Variants in GULP1 observed in about 807,000 individuals in gnomAD.
GULP1 encodes the protein PTB domain-containing engulfment adapter protein 1.
In GULP1, 19 loss-of-function variants were observed where a neutral mutation model predicts 40.9. The observed-to-expected ratio is 0.46, with a 90% CI of 0.32 to 0.68. The LOEUF (loss-of-function observed/expected upper bound fraction) is 0.68. Ranked by LOEUF, GULP1 falls within the 30% of genes least tolerant of loss-of-function variation. The pLI is 0.03. For synonymous variants in GULP1, 119 were observed against 117.6 expected (o/e 1.01, Z -0.08); for missense variants, 312 against 362.2 (o/e 0.86, Z 1.12).
intron 11 of GULP1, chr2:188,592,849 A>G (rs1312018504): frequency 6.6e-6 from 1 of 152,146 alleles, no homozygotes; most frequent in Non-Finnish European, 1.5e-5. Flanking sequence ...CCAATTAAAT[A>G]AAACACCCAA....
chr2:188,445,280 T>C (rs911997279), intron 2 of GULP1, among the ~76,000 whole-genome samples: 1 of 151,548 alleles, frequency 6.6e-6, no homozygotes, highest in East Asian at 1.9e-4. Context: ...TAGAAACAAA[T>C]GAGGAATTGT....
chr2:188,537,795 G>C (rs1037735887), intron 6 of GULP1, among the ~76,000 whole-genome samples: 2 of 152,030 alleles, frequency 1.3e-5, no homozygotes, highest in Non-Finnish European at 2.9e-5. Context: ...GTAGAACTTG[G>C]CTGTGAATCC....
intron 2 of GULP1, among the ~76,000 whole-genome samples, chr2:188,457,467 G>A (rs911568830): frequency 6.6e-6 from 1 of 152,140 alleles, no homozygotes; most frequent in Non-Finnish European, 1.5e-5. Context: ...TGCCATCCAC[G>A]TAGGATGTGA....
chr2:188,450,459 GA>G (rs952845690), intron 2 of GULP1, among the ~76,000 whole-genome samples: 6 of 152,000 alleles, frequency 3.9e-5, no homozygotes, highest in African/African-American at 1.4e-4. Flanking sequence ...TTAGATGTAG[GA>G]AACTAGCTTA....
intron 2 of GULP1, among the ~76,000 whole-genome samples, chr2:188,434,560 A>G (rs2057228735): frequency 6.7e-6 from 1 of 150,360 alleles, no homozygotes; most frequent in South Asian, 2.1e-4. Flanking sequence ...TATTTGTGAC[A>G]TCCTTTTGAA....
chr2:188,367,994 CTTTT>C (rs1415390594), intron 1 of GULP1, among the ~76,000 whole-genome samples: 8 of 152,052 alleles, frequency 5.3e-5, no homozygotes, highest in African/African-American at 1.7e-4. Flanking sequence ...TCATCTCTTT[CTTTT>C]GTGTCTCCTT....
At chr2:188,577,686 T>C (rs1700422395) in intron 9 of GULP1, among the ~76,000 whole-genome samples, 1 of 152,116 alleles carries the variant, frequency 6.6e-6, no homozygotes, top group South Asian at 2.1e-4. Flanking sequence ...TTGTGAAAAC[T>C]GTAAGATAGT....
chr2:188,343,348 T>C (rs1418948036), intron 1 of GULP1, among the ~76,000 whole-genome samples: 3 of 151,912 alleles, frequency 2.0e-5, no homozygotes, highest in African/African-American at 7.3e-5. Flanking sequence ...AAGCAATCAA[T>C]ACTTTTTTTT....
At chr2:188,465,754 A>C (rs1018036037) in intron 2 of GULP1, among the ~76,000 whole-genome samples, 2 of 152,026 alleles carry the variant, frequency 1.3e-5, no homozygotes, top group African/African-American at 2.4e-5. Flanking sequence ...ATGCCTCAGA[A>C]TTGCTAGCTC....
At chr2:188,321,629 C>T (rs1399410162) in intron 1 of GULP1, among the ~76,000 whole-genome samples, 1 of 151,626 alleles carries the variant, frequency 6.6e-6, no homozygotes, top group Non-Finnish European at 1.5e-5. Context: ...TTTTTAAAAA[C>T]TTAAATATAT....
chr2:188,464,511 C>T (rs1459867985), intron 2 of GULP1, among the ~76,000 whole-genome samples: 1 of 152,142 alleles, frequency 6.6e-6, no homozygotes, highest in South Asian at 2.1e-4. Context: ...TTCCCTGGCT[C>T]CTGCCTATTT....
intron 2 of GULP1, among the ~76,000 whole-genome samples, chr2:188,438,762 T>G (rs953901011): frequency 6.0e-5 from 6 of 99,322 alleles, no homozygotes; most frequent in Admixed American, 9.2e-5. Flanking sequence ...TTAAAACACA[T>G]GTTTTCAGAC....
chr2:188,333,118 G>A (rs72907672), intron 1 of GULP1, among the ~76,000 whole-genome samples: 27,039 of 151,758 alleles, frequency 0.18, 2,474 homozygotes, highest in South Asian at 0.23. Context: ...GGTGGTGTGT[G>A]CCTGCAGCCC....
intron 2 of GULP1, among the ~76,000 whole-genome samples, chr2:188,400,476 G>A (rs2052068487): frequency 6.6e-6 from 1 of 152,144 alleles, no homozygotes; most frequent in Admixed American, 6.5e-5. Context: ...CTGGGTAAGA[G>A]GTGGAGAGGA....
At chr2:188,370,435 C>T (rs577829001) in intron 1 of GULP1, among the ~76,000 whole-genome samples, 54 of 152,266 alleles carry the variant, frequency 3.5e-4, no homozygotes, top group Middle Eastern at 6.8e-3. Context: ...AACTATTCCT[C>T]ACTGAGTTTT....
At chr2:188,410,570 T>A (rs908973522) in intron 2 of GULP1, among the ~76,000 whole-genome samples, 3 of 152,140 alleles carry the variant, frequency 2.0e-5, no homozygotes, top group African/African-American at 7.2e-5. Flanking sequence ...AACATACAGA[T>A]GACCAACAGG....
chr2:188,562,244 T>A (rs1341092262), intron 7 of GULP1, among the ~76,000 whole-genome samples: 1 of 152,146 alleles, frequency 6.6e-6, no homozygotes, highest in African/African-American at 2.4e-5. Flanking sequence ...CATATTTTAG[T>A]TTCAGGAGTT....
chr2:188,522,903 C>T (rs1685208089), intron 5 of GULP1, 76 bp downstream of exon 5: 3 of 902,628 alleles, frequency 3.3e-6, no homozygotes, highest in Non-Finnish European at 5.6e-6. Flanking sequence ...GAGATCAAAG[C>T]ATGAACAGCT....
chr2:188,418,663 A>G (rs557190941), intron 2 of GULP1, among the ~76,000 whole-genome samples: 2 of 152,208 alleles, frequency 1.3e-5, no homozygotes, highest in Admixed American at 1.3e-4. Flanking sequence ...GACATTTTAT[A>G]AAGTACATTT....
Sources: allele counts gnomAD v4.1 joint callset (sites outside exome capture counted in the v4.1 genomes callset), GRCh38; gene constraint gnomAD v4.1.1; transcripts MANE v1.5; gene names NCBI Gene and HGNC (gene_info 2026-07-23, HGNC 2026-07-21).